Variants in SLC2A9 observed in about 807,000 individuals in gnomAD.
SLC2A9 encodes solute carrier family 2, facilitated glucose transporter member 9.
In SLC2A9, 39 loss-of-function variants were observed where a neutral mutation model predicts 50.6. That is an observed-to-expected ratio of 0.77 (90% CI 0.60 to 1.01). The LOEUF is 1.01. Among genes scored for constraint, SLC2A9 ranks in the 50% least tolerant of loss-of-function variants. The pLI is 0.00. For synonymous variants in SLC2A9, 324 were observed against 276.9 expected, an observed-to-expected ratio of 1.17 and a Z score of -1.69; for missense variants, 686 against 677.6, an observed-to-expected ratio of 1.01 and a Z score of -0.14.
intron 10 of SLC2A9, among the ~76,000 whole-genome samples, chr4:9,873,898 C>G (rs1733854071): frequency 6.6e-6 from 1 of 152,228 alleles, no homozygotes; most frequent in Non-Finnish European, 1.5e-5. Flanking sequence ...CCAAGCCTCT[C>G]CCATATTCCA....
At chr4:9,985,827 TA>T in intron 3 of SLC2A9, 34 bp from the exon 4 acceptor site, 1 of 1,613,692 alleles carries the variant, frequency 6.2e-7, no homozygotes, top group Non-Finnish European at 8.5e-7. Context: ...TGAAGATGTC[TA>T]ACCATGAGGC....
intron 4 of SLC2A9, among the ~76,000 whole-genome samples, 171 bp downstream of exon 4, chr4:9,985,498 T>C (rs1468909298): frequency 6.6e-6 from 1 of 152,070 alleles, no homozygotes; most frequent in Non-Finnish European, 1.5e-5. Context: ...AATGGGATGG[T>C]TCATCCCACA....
chr4:9,995,196 T>C (rs980061328), intron 3 of SLC2A9, among the ~76,000 whole-genome samples: 2 of 152,250 alleles, frequency 1.3e-5, no homozygotes, highest in Middle Eastern at 3.4e-3. Flanking sequence ...AACAAGAGAA[T>C]GTGTGAGTGG....
intron 2 of SLC2A9, among the ~76,000 whole-genome samples, chr4:9,998,360 C>A (rs1267776045): frequency 1.3e-5 from 2 of 152,190 alleles, no homozygotes; most frequent in African/African-American, 4.8e-5. Context: ...TTTAAATCAG[C>A]TGAACCTTGG....
At chr4:9,857,454 TG>T (rs1308039674) in intron 10 of SLC2A9, among the ~76,000 whole-genome samples, 1 of 152,216 alleles carries the variant, frequency 6.6e-6, no homozygotes, top group Non-Finnish European at 1.5e-5. Context: ...GGGGCAGATG[TG>T]GATGACTGGT....
intron 10 of SLC2A9, among the ~76,000 whole-genome samples, chr4:9,846,600 C>A (rs1729036435): frequency 6.6e-6 from 1 of 152,192 alleles, no homozygotes; most frequent in African/African-American, 2.4e-5. Flanking sequence ...CCTATAATCT[C>A]ATTTAATGAG....
chr4:9,859,816 G>A (rs1351125449), intron 10 of SLC2A9, among the ~76,000 whole-genome samples: 2 of 152,192 alleles, frequency 1.3e-5, no homozygotes, highest in African/African-American at 4.8e-5. Flanking sequence ...CTGGAAGTCA[G>A]GGAGCGCCTG....
intron 8 of SLC2A9, among the ~76,000 whole-genome samples, chr4:9,891,921 GC>G (rs1302023016): frequency 6.6e-6 from 1 of 152,232 alleles, no homozygotes; most frequent in Non-Finnish European, 1.5e-5. Context: ...CATGGCTCCT[GC>G]CTGCCAGCTT....
At chr4:9,892,113 T>C (rs1459226442) in intron 8 of SLC2A9, among the ~76,000 whole-genome samples, 2 of 152,230 alleles carry the variant, frequency 1.3e-5, no homozygotes, top group African/African-American at 4.8e-5. Flanking sequence ...GCAATGGGCG[T>C]TCTCCCCCAA....
At chr4:9,853,111 G>C (rs901549154) in intron 10 of SLC2A9, among the ~76,000 whole-genome samples, 1 of 148,488 alleles carries the variant, frequency 6.7e-6, no homozygotes, top group Non-Finnish European at 1.5e-5. Flanking sequence ...GGGAGGCAGA[G>C]ATTGCAGTGA....
intron 3 of SLC2A9, among the ~76,000 whole-genome samples, chr4:9,788,529 C>G (rs1719508348): frequency 6.6e-6 from 1 of 152,004 alleles, no homozygotes; most frequent in Non-Finnish European, 1.5e-5. Context: ...TAATCTTTTA[C>G]TTGACCCTGT....
chr4:10,011,187 A>C (rs944997221), intron 2 of SLC2A9, among the ~76,000 whole-genome samples: 5 of 152,126 alleles, frequency 3.3e-5, no homozygotes, highest in Non-Finnish European at 7.4e-5. Context: ...TGCTTCCAGA[A>C]TCTTCCTGTA....
chr4:9,977,817 C>A (rs1331375452), intron 5 of SLC2A9, among the ~76,000 whole-genome samples: 3 of 152,112 alleles, frequency 2.0e-5, no homozygotes, highest in Non-Finnish European at 4.4e-5. Context: ...CTCCTGTGAC[C>A]TCCGAAGGGC....
chr4:9,795,986 A>ATTACTT (rs1720552593), downstream of SLC2A9, among the ~76,000 whole-genome samples: 1 of 152,366 alleles, frequency 6.6e-6, no homozygotes, highest in African/African-American at 2.4e-5. Flanking sequence ...TACAAGTAAT[A>ATTACTT]GTCCCACTTT....
intron 7 of SLC2A9, among the ~76,000 whole-genome samples, chr4:9,914,743 G>T (rs116576416): frequency 1.5e-4 from 23 of 152,022 alleles, no homozygotes; most frequent in African/African-American, 4.8e-4. Context: ...CAACCACCCC[G>T]GCCTTGCTTT....
intron 8 of SLC2A9, among the ~76,000 whole-genome samples, chr4:9,894,721 G>A (rs1344521417): frequency 6.6e-6 from 1 of 152,204 alleles, no homozygotes; most frequent in Non-Finnish European, 1.5e-5. Context: ...TGCTGAAAAT[G>A]AAGGTTGTTC....
chr4:9,984,001 CA>C (rs891676209), intron 4 of SLC2A9, among the ~76,000 whole-genome samples: 4 of 151,602 alleles, frequency 2.6e-5, no homozygotes, highest in South Asian at 4.2e-4. Flanking sequence ...AGGAGGAGAT[CA>C]AAAAAAATGA....
At chr4:9,930,647 C>T (rs1306465876) in intron 6 of SLC2A9, among the ~76,000 whole-genome samples, 2 of 152,142 alleles carry the variant, frequency 1.3e-5, no homozygotes, top group Non-Finnish European at 2.9e-5. Flanking sequence ...CTCATATTTG[C>T]AGATGTCTAG....
intron 6 of SLC2A9, among the ~76,000 whole-genome samples, chr4:9,926,255 AC>A (rs1744876370): frequency 1.5e-4 from 4 of 27,436 alleles, no homozygotes; most frequent in Non-Finnish European, 5.4e-4. Flanking sequence ...TAATGCAAAC[AC>A]ACATTGTCTC....
Sources: gnomAD v4.1 joint callset for allele counts (sites outside exome capture counted in the v4.1 genomes callset) on GRCh38, gnomAD v4.1.1 for gene constraint, MANE v1.5 for transcripts, NCBI Gene and HGNC (gene_info 2026-07-23, HGNC 2026-07-21) for gene names.